The following PCSK5 variants were observed in gnomAD, a reference collection of about 807,000 sequenced individuals.
PCSK5 encodes prohormone convertase 5.
PCSK5 carries 129 observed loss-of-function variants against 233.2 expected under a neutral mutation model. That is an observed-to-expected ratio of 0.55 (90% confidence interval 0.48 to 0.64). The LOEUF is 0.64. PCSK5 is among the 30% of genes least tolerant of loss of function. The pLI, the probability that PCSK5 is intolerant of heterozygous loss-of-function variation, is 0.00. For missense variants in PCSK5, 2,076 were observed against 2,430.1 expected, an observed-to-expected ratio of 0.85 and a Z score of 3.06; for synonymous variants, 825 against 879.2, an observed-to-expected ratio of 0.94 and a Z score of 1.09.
chr9:76,000,723 C>A (rs1827225018), intron 3 of PCSK5, among the ~76,000 whole-genome samples: 1 of 152,084 alleles, frequency 6.6e-6, no homozygotes, highest in Non-Finnish European at 1.5e-5. Flanking sequence ...TGTTTTATTT[C>A]ATTGAAGTCG....
chr9:76,240,824 T>G, intron 24 of PCSK5, 140 bp downstream of exon 24: 1 of 652,194 alleles, frequency 1.5e-6, no homozygotes, highest in Non-Finnish European at 2.8e-6. Context: ...TAAGTAGGCT[T>G]TCTTCAATAC....
At chr9:76,178,056 A>G (rs930314437) in intron 14 of PCSK5, among the ~76,000 whole-genome samples, 3 of 152,012 alleles carry the variant, frequency 2.0e-5, no homozygotes, top group African/African-American at 4.8e-5. Context: ...AGTCAGCCAG[A>G]TTAGAGACAC....
intron 7 of PCSK5, among the ~76,000 whole-genome samples, chr9:76,090,254 T>G (rs917477832): frequency 7.9e-5 from 12 of 151,892 alleles, no homozygotes; most frequent in Non-Finnish European, 1.8e-4. Flanking sequence ...CATTAAGATT[T>G]AATTCTTAAA....
intron 24 of PCSK5, among the ~76,000 whole-genome samples, chr9:76,245,725 T>C (rs1368761341): frequency 2.6e-5 from 4 of 152,142 alleles, no homozygotes; most frequent in African/African-American, 7.2e-5. Context: ...AAGTATTCTG[T>C]GACTAAAAGA....
chr9:76,326,774 A>G (rs1370615825), intron 32 of PCSK5, among the ~76,000 whole-genome samples: 2 of 152,192 alleles, frequency 1.3e-5, no homozygotes, highest in African/African-American at 4.8e-5. Context: ...CATGGAGCTC[A>G]CATTCTGTTA....
intron 7 of PCSK5, among the ~76,000 whole-genome samples, chr9:76,076,681 A>G (rs1225133217): frequency 1.3e-5 from 2 of 152,238 alleles, no homozygotes; most frequent in Non-Finnish European, 2.9e-5. Flanking sequence ...GTTTACTATA[A>G]GATAAGCATT....
intron 24 of PCSK5, among the ~76,000 whole-genome samples, chr9:76,245,580 G>C (rs534610256): frequency 6.6e-6 from 1 of 152,264 alleles, no homozygotes; most frequent in East Asian, 1.9e-4. Context: ...GGAAAAAAAG[G>C]CTTCTGCTAT....
chr9:76,180,871 T>G (rs1823836061), intron 15 of PCSK5, among the ~76,000 whole-genome samples: 1 of 150,402 alleles, frequency 6.6e-6, no homozygotes, highest in African/African-American at 2.5e-5. Flanking sequence ...AGCTCTGTGC[T>G]TCCATTATGG....
At chr9:76,185,474 A>G (rs1824060724) in intron 17 of PCSK5, among the ~76,000 whole-genome samples, 1 of 152,106 alleles carries the variant, frequency 6.6e-6, no homozygotes, top group South Asian at 2.1e-4. Context: ...CTTTATTTCC[A>G]CCTGTGATTG....
chr9:76,025,317 C>T lies in PCSK5; in HGVS notation c.555+1436C>T, dbSNP rs144936849. 4.8e-4 allele frequency among the ~76,000 whole-genome samples: 73 copies of T among 151,932 alleles called. 1 individual carries two copies. In the East Asian group the frequency reaches 0.014, roughly 29 times the overall value. On this transcript the variant is annotated intron_variant, in intron 4 of 37. Coordinates refer to ENST00000674117, the MANE Select transcript of PCSK5 (RefSeq NM_001372043.1). ...ATTCTAGTGTTTTGGGAGGTTGAGGCAGGAGGATTGCTTGAGCTCAGTAGT... is the reference window on the plus strand; with the variant it reads ...ATTCTAGTGTTTTGGGAGGTTGAGGTAGGAGGATTGCTTGAGCTCAGTAGT...
intron 23 of PCSK5, 92 bp downstream of exon 23, chr9:76,239,257 C>T (rs1238825481): frequency 3.8e-6 from 4 of 1,049,440 alleles, no homozygotes; most frequent in Non-Finnish European, 5.7e-6. Context: ...GCCTTCCTGG[C>T]TTGCATGTCA....
At chr9:76,296,888 G>T (rs1339691922) in intron 27 of PCSK5, 23 bp downstream of exon 27, 1 of 1,521,384 alleles carries the variant, frequency 6.6e-7, no homozygotes, top group South Asian at 1.1e-5. Context: ...CAAAAAAGAG[G>T]TCACAGGGGT....
chr9:76,337,556 C>T (rs1829712436), intron 34 of PCSK5, among the ~76,000 whole-genome samples: 1 of 152,078 alleles, frequency 6.6e-6, no homozygotes, highest in Non-Finnish European at 1.5e-5. Flanking sequence ...TCACTGCAAC[C>T]TCCACCACCC....
intron 32 of PCSK5, among the ~76,000 whole-genome samples, chr9:76,327,096 A>G (rs1294620780): frequency 7.1e-6 from 1 of 140,974 alleles, no homozygotes; most frequent in African/African-American, 2.6e-5. Context: ...GTGAAGGCCC[A>G]TCTCTATTTT....
rs527885885 is a variant in PCSK5, at chr9:76,336,278, A to G, written c.4749-1952A>G. On this transcript the variant is annotated intron_variant, in intron 34 of 37. Transcript: ENST00000674117. ...CTCAACATAACCTAGGCATGGTGTG[A>G]GTTTTCAGCAAGTTCATGGAGCTGA... Among the ~76,000 whole-genome samples the G allele has an allele frequency of 4.0e-5, 6 of 151,450 alleles. No homozygotes were observed. In the East Asian group the frequency reaches 9.7e-4, roughly 24 times the overall value.
intron 7 of PCSK5, among the ~76,000 whole-genome samples, chr9:76,086,484 A>G (rs1436152448): frequency 6.6e-6 from 1 of 152,220 alleles, no homozygotes; most frequent in Non-Finnish European, 1.5e-5. Context: ...CTCTGTGAAC[A>G]GATGAGATGA....
chr9:75,988,328 C>T (rs1188248424), intron 3 of PCSK5, among the ~76,000 whole-genome samples: 7 of 151,210 alleles, frequency 4.6e-5, no homozygotes, highest in Non-Finnish European at 1.0e-4. Flanking sequence ...CTCTGTCAGG[C>T]TGGAGTACAG....
intron 24 of PCSK5, among the ~76,000 whole-genome samples, chr9:76,252,230 C>T (rs1035969923): frequency 1.3e-5 from 2 of 151,978 alleles, no homozygotes; most frequent in African/African-American, 4.8e-5. Flanking sequence ...ATCGCGTGCC[C>T]CTGCACTCCA....
chr9:76,227,868 T>G (rs1429268125), intron 21 of PCSK5, among the ~76,000 whole-genome samples: 1 of 152,162 alleles, frequency 6.6e-6, no homozygotes, highest in Admixed American at 6.5e-5. Context: ...GTGCCTTTGA[T>G]GCCTGAAATC....
Sources: allele counts gnomAD v4.1 joint callset (sites outside exome capture counted in the v4.1 genomes callset), GRCh38; gene constraint gnomAD v4.1.1; transcripts MANE v1.5; gene names NCBI Gene and HGNC (gene_info 2026-07-23, HGNC 2026-07-21).